The following NPFFR2 variants were observed in gnomAD, a reference collection of about 807,000 sequenced individuals.
NPFFR2 encodes the protein neuropeptide FF receptor 2.
A neutral mutation model predicts 13.1 loss-of-function variants in NPFFR2; 15 were observed. The ratio of observed to expected loss-of-function variants is 1.15; its 90% CI spans 0.77 to 1.76. The LOEUF is 1.76. NPFFR2 is among the 40% of genes most tolerant of loss of function. The pLI, the probability that NPFFR2 is intolerant of heterozygous loss-of-function variation, is 0.00. For synonymous variants in NPFFR2, 190 were observed against 175.7 expected (o/e 1.08, Z -0.65); for missense variants, 572 against 503.5 (o/e 1.14, Z -1.30).
At chr4:72,054,615 T>G (rs1350650650) in intron 1 of NPFFR2, among the ~76,000 whole-genome samples, 1 of 151,782 alleles carries the variant, frequency 6.6e-6, no homozygotes, top group East Asian at 1.9e-4. Flanking sequence ...ATGAAAGAAA[T>G]AAACTGACAC....
rs183337200 is a variant in NPFFR2, at chr4:72,085,187, A to G, written c.-7-43398A>G. ...GTTAGTACTATTTTCCACATTCTTC[A>G]GCCCATATTAGTTTTTTTGGTAGCT... On this transcript the variant is annotated intron_variant, in intron 1 of 3. Coordinates refer to ENST00000308744, the MANE Select transcript of NPFFR2 (RefSeq NM_004885.3). Among the ~76,000 whole-genome samples the G allele has an allele frequency of 2.2e-3, 341 of 152,272 alleles. 2 individuals are homozygous for G. Among genetic ancestry groups the G allele is most frequent in the African/African-American group, 7.9e-3 (330 of 41,572 alleles).
At chr4:72,124,163 T>A (rs1721969955) in intron 1 of NPFFR2, among the ~76,000 whole-genome samples, 2 of 152,222 alleles carry the variant, frequency 1.3e-5, no homozygotes, top group South Asian at 4.1e-4. Context: ...CCATTCACAA[T>A]TGCTACAAAA....
At chr4:72,061,972 A>G (rs1175209081) in intron 1 of NPFFR2, among the ~76,000 whole-genome samples, 1 of 152,164 alleles carries the variant, frequency 6.6e-6, no homozygotes, top group Non-Finnish European at 1.5e-5. Flanking sequence ...AAGGACAGAA[A>G]GAAAGAAATT....
intron 1 of NPFFR2, among the ~76,000 whole-genome samples, chr4:72,081,743 G>A (rs1354498543): frequency 6.6e-6 from 1 of 151,770 alleles, no homozygotes; most frequent in African/African-American, 2.4e-5. Context: ...CTCCCGCCTT[G>A]GCCTCCAGAA....
rs368201132 is a variant in NPFFR2 at position 72,130,731 on chromosome 4, A to G, written c.328+1812A>G. Among the ~76,000 whole-genome samples, 9 of 152,212 alleles carry G rather than the reference A, an allele frequency of 5.9e-5. No homozygotes were observed. The East Asian group carries it at 1.7e-3, about 30-fold the overall frequency. On this transcript the variant is annotated intron_variant, in intron 2 of 3. Transcript: ENST00000308744. Reference sequence around the variant, plus strand: ...GGGTGCCAGCAGTAACTAATCCTGTACCAGCCCCAGGGCTGTGTCTAGAGG... The same window carrying G: ...GGGTGCCAGCAGTAACTAATCCTGTGCCAGCCCCAGGGCTGTGTCTAGAGG...
intron 1 of NPFFR2, among the ~76,000 whole-genome samples, chr4:72,102,404 T>A (rs1214584594): frequency 2.0e-5 from 3 of 151,996 alleles, no homozygotes; most frequent in African/African-American, 7.3e-5. Flanking sequence ...TACTTTAAGT[T>A]TTAGGGTACG....
At chr4:72,062,522 TAA>T (rs5859300) in intron 1 of NPFFR2, among the ~76,000 whole-genome samples, 130,246 of 148,808 alleles carry the variant, frequency 0.88, 58,178 homozygotes, top group Non-Finnish European at 0.98. Flanking sequence ...TAATAGATTG[TAA>T]AAAAAAAAAA....
chr4:72,093,445 C>G (rs1720967390), intron 1 of NPFFR2, among the ~76,000 whole-genome samples: 1 of 152,154 alleles, frequency 6.6e-6, no homozygotes, highest in Non-Finnish European at 1.5e-5. Context: ...TTAGATTTCT[C>G]TTCTTCCTCA....
chr4:72,077,209 C>T (rs1166610448), intron 1 of NPFFR2, among the ~76,000 whole-genome samples: 1 of 152,070 alleles, frequency 6.6e-6, no homozygotes, highest in African/African-American at 2.4e-5. Flanking sequence ...TTCTTCCAGG[C>T]TTTCACTAAT....
At chr4:72,032,336 T>C (rs770883129) in intron 1 of NPFFR2, 136 bp downstream of exon 1, 8 of 979,882 alleles carry the variant, frequency 8.2e-6, no homozygotes, top group Non-Finnish European at 1.2e-5. Context: ...CCTTCCTAAT[T>C]ACACAGGCAC....
chr4:72,099,586 G>A (rs1375994975), intron 1 of NPFFR2, among the ~76,000 whole-genome samples: 1 of 151,958 alleles, frequency 6.6e-6, no homozygotes, highest in Non-Finnish European at 1.5e-5. Context: ...GAGAGGGGGA[G>A]GAGGTGCCAC....
Position 72,147,178 on chromosome 4 carries a change from G to A in NPFFR2, c.629G>A (p.Trp210Ter), listed in dbSNP as rs761822109. ...TSPVYWCRED[W>*]PNQEMRKIYT... ...CCAGTCTACTGGTGCCGGGAAGACT[G>A]GCCAAATCAGGAAATGAGGAAGATC... The change falls in exon 4 of 4, where the codon TGG becomes TAG. Residue 210 changes from tryptophan to a stop codon, truncating the protein, a stop_gained. Coordinates refer to ENST00000308744, the MANE Select transcript of NPFFR2 (RefSeq NM_004885.3). LOFTEE classifies it low-confidence loss of function (END_TRUNC). The A allele has an allele frequency of 1.3e-6, 2 of 1,558,480 alleles. No homozygotes were observed. Among genetic ancestry groups the A allele is most frequent in the East Asian group, 2.3e-5 (1 of 43,104 alleles).
chr4:72,145,558 ATAATTTCACGGC>A (rs1243394862), intron 3 of NPFFR2, among the ~76,000 whole-genome samples: 2 of 152,192 alleles, frequency 1.3e-5, no homozygotes, highest in Non-Finnish European at 2.9e-5. Flanking sequence ...GAAATTACCC[ATAATTTCACGGC>A]AGGTGAATGG....
intron 1 of NPFFR2, among the ~76,000 whole-genome samples, chr4:72,037,403 GAA>G (rs11309179): frequency 0.019 from 2,437 of 130,120 alleles, 24 homozygotes; most frequent in Non-Finnish European, 0.025. Flanking sequence ...GATCTTGTTT[GAA>G]AAAAAAAAAA....
Position 72,147,006 on chromosome 4 carries a change from C to A in NPFFR2, c.457C>A (p.Pro153Thr). 6.2e-7 allele frequency: 1 copy of A among 1,613,618 alleles called. No homozygotes were observed. The highest frequency in any genetic ancestry group is 8.5e-7 in the Non-Finnish European group (1 of 1,179,738). The change falls in exon 4 of 4, where the codon CCA becomes ACA. Residue 153 changes from proline (P) to threonine (T), a missense_variant. Physicochemically the swap from Pro to Thr is conservative, Grantham distance 38. Coordinates refer to ENST00000308744, the MANE Select transcript of NPFFR2 (RefSeq NM_004885.3). ...RFQCVVYPFK[P>T]KLTIKTAFVI... ...CCAGTGTGTGGTCTACCCTTTTAAACCAAAGCTCACTATCAAGACAGCGTT... is the reference window on the plus strand; with the variant it reads ...CCAGTGTGTGGTCTACCCTTTTAAAACAAAGCTCACTATCAAGACAGCGTT...
chr4:72,062,130 C>A (rs964405025), intron 1 of NPFFR2, among the ~76,000 whole-genome samples: 1 of 151,372 alleles, frequency 6.6e-6, no homozygotes, highest in Non-Finnish European at 1.5e-5. Context: ...AACTATTTAA[C>A]TATTTTAGGT....
chr4:72,122,101 A>T (rs1721900742), intron 1 of NPFFR2, among the ~76,000 whole-genome samples: 2 of 152,196 alleles, frequency 1.3e-5, no homozygotes. Context: ...AGGGGTTGCA[A>T]TCCTAGTGTC....
chr4:72,040,499 A>G (rs1020975867), intron 1 of NPFFR2, among the ~76,000 whole-genome samples: 10 of 152,142 alleles, frequency 6.6e-5, no homozygotes, highest in Non-Finnish European at 1.5e-4. Flanking sequence ...GTCCATTTCT[A>G]TGGCAACACC....
At chr4:72,081,114 C>T (rs996517367) in intron 1 of NPFFR2, among the ~76,000 whole-genome samples, 4 of 152,194 alleles carry the variant, frequency 2.6e-5, no homozygotes, top group African/African-American at 9.6e-5. Context: ...TCCAAAACTT[C>T]CCTCTGAAAA....
Sources: gnomAD v4.1 joint callset for allele counts (sites outside exome capture counted in the v4.1 genomes callset) on GRCh38, gnomAD v4.1.1 for gene constraint, MANE v1.5 for transcripts, NCBI Gene and HGNC (gene_info 2026-07-23, HGNC 2026-07-21) for gene names.